The following NRXN1 variants were observed in gnomAD, a reference collection of about 807,000 sequenced individuals.
NRXN1 encodes the protein neurexin-1.
Under a neutral mutation model 150.9 loss-of-function variants are expected in NRXN1, and 39 were observed. The observed-to-expected ratio is 0.26, with a 90% confidence interval of 0.20 to 0.34. The LOEUF is 0.34. Ranked by LOEUF, NRXN1 falls within the 10% of genes least tolerant of loss-of-function variation. The pLI, the probability that NRXN1 is intolerant of heterozygous loss-of-function variation, is 1.00. For missense variants in NRXN1, 1,815 were observed against 1,949.9 expected (o/e 0.93, Z 1.30); for synonymous variants, 924 against 757.0 (o/e 1.22, Z -3.62).
intron 18 of NRXN1, among the ~76,000 whole-genome samples, chr2:50,138,830 C>CATA (rs1706811387): frequency 6.6e-6 from 1 of 152,162 alleles, no homozygotes; most frequent in African/African-American, 2.4e-5. Flanking sequence ...GACCAATGGT[C>CATA]CCTTTAGTTT....
Position 50,908,822 on chromosome 2 carries a change from G to C in NRXN1, c.832+13047C>G, listed in dbSNP as rs539867835. ...TTCATGGGACAGGTGGCTTTAAGAA[G>C]AGGAAGAGAGACCTGAGCTGGCAGG... On this transcript the variant is annotated intron_variant, in intron 5 of 22. Transcript: ENST00000401669. Among the ~76,000 whole-genome samples, 559 of 152,052 alleles carry C rather than the reference G, an allele frequency of 3.7e-3. 2 individuals carry two copies. The highest frequency in any genetic ancestry group is 6.4e-3 in the Admixed American group (97 of 15,256).
At chr2:51,003,298 T>G (rs1212802946) in intron 2 of NRXN1, among the ~76,000 whole-genome samples, 1 of 151,964 alleles carries the variant, frequency 6.6e-6, no homozygotes, top group African/African-American at 2.4e-5. Context: ...ATACATTCAC[T>G]TATTTACCCT....
At chr2:50,988,514 C>T (rs967623703) in intron 2 of NRXN1, among the ~76,000 whole-genome samples, 2 of 151,796 alleles carry the variant, frequency 1.3e-5, no homozygotes, top group African/African-American at 2.4e-5. Flanking sequence ...ACAATCCATC[C>T]GTAAATGACT....
chr2:49,930,301 A>T (rs1387001616), intron 22 of NRXN1, among the ~76,000 whole-genome samples: 1 of 152,202 alleles, frequency 6.6e-6, no homozygotes, highest in Non-Finnish European at 1.5e-5. Context: ...CCATAATATC[A>T]TTAACAAAAT....
chr2:50,408,452 A>G (rs1426533581), intron 17 of NRXN1, among the ~76,000 whole-genome samples: 1 of 152,196 alleles, frequency 6.6e-6, no homozygotes, highest in Non-Finnish European at 1.5e-5. Flanking sequence ...GATGTAGCTG[A>G]GATAGCCAGG....
intron 17 of NRXN1, among the ~76,000 whole-genome samples, chr2:50,429,927 T>A (rs140200910): frequency 6.6e-6 from 1 of 152,312 alleles, no homozygotes; most frequent in East Asian, 1.9e-4. Flanking sequence ...ATTATATATC[T>A]ATTATGAAAA....
rs372363025 is a variant in NRXN1, at chr2:50,233,408, T to G, written c.3546+3381A>C. Among the ~76,000 whole-genome samples, 53 of 152,160 alleles carry G rather than the reference T, an allele frequency of 3.5e-4. 2 individuals carry two copies. In the East Asian group the frequency reaches 5.0e-3, roughly 14 times the overall value. Reference sequence around the variant, plus strand: ...TACAGTTAATCAAAATTTTTAAAAATCCAACATTTTTATTCTGAAAAATTG... The same window carrying G: ...TACAGTTAATCAAAATTTTTAAAAAGCCAACATTTTTATTCTGAAAAATTG... On this transcript the variant is annotated intron_variant, in intron 18 of 22. Coordinates refer to ENST00000401669, the MANE Select transcript of NRXN1 (RefSeq NM_001330078.2).
chr2:49,933,109 C>T (rs544020980), intron 22 of NRXN1, among the ~76,000 whole-genome samples: 13 of 152,100 alleles, frequency 8.5e-5, no homozygotes, highest in African/African-American at 3.1e-4. Context: ...TTGTTTGAGA[C>T]AGAGTCTTGC....
intron 18 of NRXN1, chr2:50,105,352 G>A (rs1701493461): frequency 6.6e-6 from 1 of 152,014 alleles, no homozygotes; most frequent in Admixed American, 6.6e-5. Context: ...GCCAGAAATG[G>A]AAGTACTATC....
At chr2:50,298,694 T>C (rs182138605) in intron 17 of NRXN1, among the ~76,000 whole-genome samples, 15 of 152,328 alleles carry the variant, frequency 9.8e-5, no homozygotes, top group African/African-American at 3.4e-4. Context: ...CTTTTGAAAT[T>C]TCTGCTAAGT....
chr2:50,329,615 GTGTATATATATATATATATATATATA>G (rs2076650869), intron 17 of NRXN1, among the ~76,000 whole-genome samples: 9 of 15,792 alleles, frequency 5.7e-4, no homozygotes, highest in Non-Finnish European at 9.2e-4. Flanking sequence ...GTGTGTGTGT[GTGTATATATATATATATATATATATA>G]TATATATATA....
At chr2:50,444,302 G>C (rs900698185) in intron 17 of NRXN1, among the ~76,000 whole-genome samples, 1 of 152,150 alleles carries the variant, frequency 6.6e-6, no homozygotes, top group African/African-American at 2.4e-5. Context: ...GTGTGGGACA[G>C]AGCTGCCTGA....
chr2:50,252,505 C>T lies in NRXN1; in HGVS notation c.3365-15535G>A, dbSNP rs143727343. ...AACTCCTGACCTCAGGTGATCCACC[C>T]ACCTCTGCCTCCCAAAGTGCTGAGA... On this transcript the variant is annotated intron_variant, in intron 17 of 22. Coordinates refer to ENST00000401669, the MANE Select transcript of NRXN1 (RefSeq NM_001330078.2). Among the ~76,000 whole-genome samples, 653 of 152,104 alleles carry T rather than the reference C, an allele frequency of 4.3e-3. 4 individuals are homozygous for T. Among genetic ancestry groups the T allele is most frequent in the African/African-American group, 0.015 (616 of 41,522 alleles).
chr2:50,178,866 A>G (rs4971654), intron 18 of NRXN1, among the ~76,000 whole-genome samples: 36,836 of 152,096 alleles, frequency 0.24, 5,519 homozygotes, highest in East Asian at 0.41. Flanking sequence ...GCAGTAGTTG[A>G]AATCAGGCAG....
intron 8 of NRXN1, among the ~76,000 whole-genome samples, chr2:50,576,596 T>C (rs1671473197): frequency 6.6e-6 from 1 of 152,082 alleles, no homozygotes; most frequent in Non-Finnish European, 1.5e-5. Context: ...CTCTCTTTCA[T>C]TAATTACCAG....
intron 2 of NRXN1, among the ~76,000 whole-genome samples, chr2:50,964,443 T>C (rs774107152): frequency 1.3e-5 from 2 of 151,456 alleles, no homozygotes; most frequent in African/African-American, 2.4e-5. Context: ...TTAAAAGATG[T>C]AACTATTTAA....
In NRXN1 at chr2:51,028,410, C is replaced by T. The variant is rs959500106; in HGVS notation, c.-137G>A. 13 of 509,774 alleles carry T rather than the reference C, an allele frequency of 2.6e-5. No homozygotes were observed. In the East Asian group the frequency reaches 2.8e-4, roughly 11 times the overall value. 31.6% of individuals were successfully genotyped at this position (509,774 alleles called of 1,614,324 possible). On this transcript the variant is annotated 5_prime_UTR_variant, in exon 2 of 23. Transcript: ENST00000401669. ...GCGGGAGTGAGAGGGATGTGCCCTC[C>T]TTTATCTAGTTCTTTTTTTCTTCTT...
chr2:51,022,527 T>C (rs184861038), intron 2 of NRXN1, among the ~76,000 whole-genome samples: 7 of 152,252 alleles, frequency 4.6e-5, no homozygotes, highest in Non-Finnish European at 1.0e-4. Flanking sequence ...AAATAAACTT[T>C]TTAATAAACA....
intron 17 of NRXN1, among the ~76,000 whole-genome samples, chr2:50,289,042 C>G (rs2037395): frequency 0.18 from 26,816 of 151,994 alleles, 2,583 homozygotes; most frequent in East Asian, 0.38. Flanking sequence ...TTTTGATGAC[C>G]TAGTAGCAAC....
Sources: allele counts gnomAD v4.1 joint callset (sites outside exome capture counted in the v4.1 genomes callset), GRCh38; gene constraint gnomAD v4.1.1; transcripts MANE v1.5; gene names NCBI Gene and HGNC (gene_info 2026-07-23, HGNC 2026-07-21).